WDR19: variants seen among roughly 807,000 people sequenced by gnomAD.
WDR19 encodes the protein WD repeat domain 19.
Under a neutral mutation model 180.0 loss-of-function variants are expected in WDR19, and 121 were observed. The observed-to-expected ratio is 0.67, with a 90% CI of 0.58 to 0.78. WDR19 has a LOEUF of 0.78. WDR19 is among the 30% of genes least tolerant of loss of function. WDR19 has a pLI of 0.00. For synonymous variants in WDR19, 497 were observed against 540.7 expected, an observed-to-expected ratio of 0.92 and a Z score of 1.12; for missense variants, 1,450 against 1,640.7, an observed-to-expected ratio of 0.88 and a Z score of 2.01.
chr4:39,184,055 C>G (rs1182282349), intron 1 of WDR19, among the ~76,000 whole-genome samples: 4 of 152,072 alleles, frequency 2.6e-5, no homozygotes, highest in Non-Finnish European at 5.9e-5. Context: ...CTTTTATGTC[C>G]CATGATCATA....
intron 29 of WDR19, among the ~76,000 whole-genome samples, chr4:39,267,154 A>G (rs1187876653): frequency 6.6e-6 from 1 of 152,238 alleles, no homozygotes; most frequent in African/African-American, 2.4e-5. Context: ...GGCTTCCTAC[A>G]GAACGTCCAT....
intron 24 of WDR19, among the ~76,000 whole-genome samples, chr4:39,245,962 C>G (rs1050093527): frequency 3.3e-5 from 5 of 152,108 alleles, no homozygotes; most frequent in South Asian, 2.1e-4. Context: ...AGTTAATATC[C>G]TAAACATACA....
At chr4:39,214,027 A>T (rs1473068486) in intron 9 of WDR19, among the ~76,000 whole-genome samples, 1 of 152,242 alleles carries the variant, frequency 6.6e-6, no homozygotes, top group African/African-American at 2.4e-5. Context: ...TACAACTATT[A>T]GTTCCCAACA....
At chr4:39,243,439 A>G (rs1368730656) in intron 21 of WDR19, among the ~76,000 whole-genome samples, 1 of 151,914 alleles carries the variant, frequency 6.6e-6, no homozygotes, top group African/African-American at 2.4e-5. Flanking sequence ...GGCCAATTGT[A>G]TTTTGTTTCC....
At chr4:39,208,179 A>G (rs1728143032) in intron 9 of WDR19, among the ~76,000 whole-genome samples, 1 of 152,220 alleles carries the variant, frequency 6.6e-6, no homozygotes, top group Admixed American at 6.5e-5. Context: ...AAGGAAAGAA[A>G]CAGGAATAAA....
chr4:39,235,993 G>T (rs1731334528), intron 20 of WDR19, among the ~76,000 whole-genome samples: 1 of 152,106 alleles, frequency 6.6e-6, no homozygotes, highest in South Asian at 2.1e-4. Context: ...ATAGATGTTG[G>T]TAACGATGTA....
intron 24 of WDR19, among the ~76,000 whole-genome samples, chr4:39,252,762 C>T (rs1577998778): frequency 6.6e-6 from 1 of 151,846 alleles, no homozygotes; most frequent in East Asian, 1.9e-4. Flanking sequence ...AAAGTTTGAG[C>T]TTTGTGACTA....
At chr4:39,184,841 C>A (rs1725344260) in intron 1 of WDR19, among the ~76,000 whole-genome samples, 1 of 152,038 alleles carries the variant, frequency 6.6e-6, no homozygotes, top group Non-Finnish European at 1.5e-5. Context: ...ACTCATATTC[C>A]TAAATGTTCT....
intron 20 of WDR19, among the ~76,000 whole-genome samples, chr4:39,236,598 C>A (rs990494196): frequency 2.0e-5 from 3 of 152,184 alleles, no homozygotes; most frequent in Non-Finnish European, 4.4e-5. Flanking sequence ...TTGCACCTCA[C>A]AAATACATAT....
At chr4:39,240,468 C>A in intron 21 of WDR19, 134 bp downstream of exon 21, 1 of 404,388 alleles carries the variant, frequency 2.5e-6, no homozygotes, top group Non-Finnish European at 4.2e-6. Flanking sequence ...TTACTAACAA[C>A]CTTGCAAGGA....
intron 3 of WDR19, 82 bp from the exon 4 acceptor site, chr4:39,189,573 TA>T: frequency 7.9e-7 from 1 of 1,260,082 alleles, no homozygotes; most frequent in Non-Finnish European, 1.1e-6. Flanking sequence ...ATAGATTGAA[TA>T]ATCTTGTTAT....
At chr4:39,205,773 T>C (rs1436237983) in intron 9 of WDR19, 37 bp downstream of exon 9, 27 of 1,511,648 alleles carry the variant, frequency 1.8e-5, no homozygotes, top group Non-Finnish European at 2.4e-5. Flanking sequence ...AAAGCTTATA[T>C]AGTAAATACT....
At chr4:39,186,660 A>T (rs1725591027) in intron 3 of WDR19, 56 bp downstream of exon 3, 1 of 1,162,578 alleles carries the variant, frequency 8.6e-7, no homozygotes, top group African/African-American at 1.6e-5. Context: ...CTAAAAGATT[A>T]AAAAAATACT....
At chr4:39,213,166 AAC>A (rs1311613960) in intron 9 of WDR19, among the ~76,000 whole-genome samples, 2 of 152,216 alleles carry the variant, frequency 1.3e-5, no homozygotes, top group African/African-American at 4.8e-5. Context: ...TACTCTGGAA[AAC>A]AGTTTGGCAG....
At chr4:39,278,428 A>G in intron 35 of WDR19, 111 bp from the exon 36 acceptor site, 1 of 846,212 alleles carries the variant, frequency 1.2e-6, no homozygotes, top group Non-Finnish European at 1.8e-6. Flanking sequence ...TGCATGGTGG[A>G]CATGTGTTAA....
chr4:39,253,080 T>C, intron 24 of WDR19, 66 bp from the exon 25 acceptor site: 1 of 1,477,086 alleles, frequency 6.8e-7, no homozygotes, highest in African/African-American at 1.4e-5. Context: ...GTCCTAAACA[T>C]TTATCAACAT....
At position 39,267,904 on chromosome 4, in the gene WDR19, C is replaced by T. The variant is rs1011117494; in HGVS notation, c.3262-91C>T. Reference sequence around the variant, plus strand: ...AGCAATATCAATTCTCAGTTACTGGCAGATGAATGTGATTCTAACTGCAAT... The same window carrying T: ...AGCAATATCAATTCTCAGTTACTGGTAGATGAATGTGATTCTAACTGCAAT... On this transcript the variant is annotated intron_variant, in intron 29 of 36. Coordinates refer to ENST00000399820, the MANE Select transcript of WDR19 (RefSeq NM_025132.4). 7.1e-6 allele frequency: 8 copies of T among 1,121,868 alleles called. No individual in the cohort carries two copies. The South Asian group carries it at 1.1e-4, about 15-fold the overall frequency. 69.5% of individuals were successfully genotyped at this position (1,121,868 alleles called of 1,614,324 possible). A position where few individuals can be genotyped will look rare whatever the true frequency, so the allele number is the denominator to read the frequency against.
At chr4:39,205,329 C>A in intron 8 of WDR19, 63 bp downstream of exon 8, 1 of 1,390,780 alleles carries the variant, frequency 7.2e-7, no homozygotes, top group South Asian at 1.3e-5. Flanking sequence ...GTAGGTTTTT[C>A]CTTACTAATT....
At position 39,244,538 on chromosome 4, in the gene WDR19, C is replaced by A. The variant is rs1732306899; in HGVS notation, c.2631C>A (p.Ile877=). The change falls in exon 23 of 37, where the codon ATC becomes ATA. Residue 877 remains isoleucine (I), a synonymous_variant. Transcript: ENST00000399820. ...LYYDKAASVY[I]RSKNWAKVGD... is the part of the protein sequence containing the mutation. ...ACGATAAAGCAGCATCTGTTTACAT[C>A]CGCTCTAAGAATTGGTAAGAGCTGC... 6.2e-7 allele frequency: 1 copy of A among 1,613,906 alleles called. No individual in the cohort carries two copies. The highest frequency in any genetic ancestry group is 8.5e-7 in the Non-Finnish European group (1 of 1,179,886).
Sources: allele counts gnomAD v4.1 joint callset (sites outside exome capture counted in the v4.1 genomes callset), GRCh38; gene constraint gnomAD v4.1.1; transcripts MANE v1.5; gene names NCBI Gene and HGNC (gene_info 2026-07-23, HGNC 2026-07-21).